OASL: variants seen among roughly 807,000 people sequenced by gnomAD.
The protein encoded by OASL is 2'-5'-oligoadenylate synthase-like protein.
A neutral mutation model predicts 35.3 loss-of-function variants in OASL; 28 were observed. The ratio of observed to expected loss-of-function variants is 0.79; its 90% CI spans 0.59 to 1.09. The LOEUF (loss-of-function observed/expected upper bound fraction) is 1.09. OASL is among the 50% of genes least tolerant of loss of function. OASL has a pLI of 0.00. For missense variants in OASL, 620 were observed against 635.2 expected (o/e 0.98, Z 0.26); for synonymous variants, 252 against 254.6 (o/e 0.99, Z 0.10).
chr12:121,036,283 A>G (rs1232971391), intron 1 of OASL, among the ~76,000 whole-genome samples: 1 of 152,208 alleles, frequency 6.6e-6, no homozygotes, highest in East Asian at 1.9e-4. Context: ...TCATTTGAAG[A>G]CGAGCATTCC....
intron 2 of OASL, among the ~76,000 whole-genome samples, chr12:121,032,656 C>T (rs1869782761): frequency 6.6e-6 from 1 of 152,176 alleles, no homozygotes; most frequent in Non-Finnish European, 1.5e-5. Flanking sequence ...CATCTCAGTT[C>T]CATACTTCCC....
intron 3 of OASL, among the ~76,000 whole-genome samples, chr12:121,030,490 C>T (rs1351138203): frequency 6.6e-6 from 1 of 152,230 alleles, no homozygotes; most frequent in African/African-American, 2.4e-5. Flanking sequence ...AGGCGTGAGC[C>T]ATCATGCCCA....
chr12:121,021,201 C>T, intron 5 of OASL, 143 bp from the exon 6 acceptor site: 1 of 772,638 alleles, frequency 1.3e-6, no homozygotes, highest in Non-Finnish European at 2.0e-6. Flanking sequence ...TAAGCACTTT[C>T]CAGGCTGTAT....
At chr12:121,033,408 A>C in intron 2 of OASL, 53 bp downstream of exon 2, 1 of 1,566,332 alleles carries the variant, frequency 6.4e-7, no homozygotes, top group Non-Finnish European at 8.7e-7. Context: ...GACACTGGGA[A>C]GTCTCCTGGG....
chr12:121,019,816 T>C (rs1431888137), exon 6 of OASL: 1 of 152,146 alleles, frequency 6.6e-6, no homozygotes, highest in Non-Finnish European at 1.5e-5. Context: ...TTGAGGCTGT[T>C]GGTATGGGGA....
At chr12:121,030,077 G>A (rs1448441046) in intron 3 of OASL, among the ~76,000 whole-genome samples, 1 of 152,030 alleles carries the variant, frequency 6.6e-6, no homozygotes, top group African/African-American at 2.4e-5. Context: ...GTTTCACTAT[G>A]TTGCTCAGGC....
chr12:121,025,071 C>G (rs117596115), intron 4 of OASL, among the ~76,000 whole-genome samples: 1,670 of 150,278 alleles, frequency 0.011, 29 homozygotes, highest in Non-Finnish European at 0.016. Context: ...TTCCACCTCC[C>G]GGGTTCAGCC....
chr12:121,024,404 G>A (rs979996911), intron 4 of OASL, among the ~76,000 whole-genome samples: 1 of 152,240 alleles, frequency 6.6e-6, no homozygotes, highest in Non-Finnish European at 1.5e-5. Flanking sequence ...ATCACTTGAG[G>A]TCAGGAGTTC....
chr12:121,024,355 G>A (rs1459749690), intron 4 of OASL, among the ~76,000 whole-genome samples: 2 of 152,194 alleles, frequency 1.3e-5, no homozygotes, highest in Non-Finnish European at 2.9e-5. Flanking sequence ...AGTGGCTCAC[G>A]CCTGTAATCC....
At chr12:121,032,141 C>T (rs762578516) in intron 2 of OASL, among the ~76,000 whole-genome samples, 12 of 152,026 alleles carry the variant, frequency 7.9e-5, no homozygotes, top group Non-Finnish European at 1.8e-4. Context: ...TGCAGTGAGC[C>T]GAGATCACGG....
exon 1 of OASL, chr12:121,039,117 C>G (rs1373142396): frequency 9.0e-6 from 6 of 664,532 alleles, no homozygotes; most frequent in East Asian, 5.5e-5. Context: ...GAGAGGAAAC[C>G]AGGTGTGACG....
chr12:121,037,791 A>T (rs1249129567), intron 1 of OASL, among the ~76,000 whole-genome samples: 1 of 144,150 alleles, frequency 6.9e-6, no homozygotes, highest in African/African-American at 2.6e-5. Context: ...AAACAAAAAC[A>T]AAAATCATTT....
intron 3 of OASL, among the ~76,000 whole-genome samples, chr12:121,028,619 C>T (rs112508908): frequency 6.1e-5 from 9 of 146,522 alleles, no homozygotes; most frequent in African/African-American, 1.8e-4. Context: ...TGAAACCCGC[C>T]CCCCCCGCCC....
chr12:121,033,762 C>T lies in OASL; in HGVS notation c.199-19G>A, dbSNP rs199990181. 2.3e-5 allele frequency: 37 copies of T among 1,606,566 alleles called. No individual in the cohort carries two copies. The highest frequency in any genetic ancestry group is 3.3e-5 in the South Asian group (3 of 90,826). On this transcript the variant is annotated intron_variant, in intron 1 of 5. Coordinates refer to ENST00000257570, the Ensembl canonical transcript of OASL. ...AGCCCACCTGCAGAACACAGAGCCC[C>T]GTCACCCTGAGGCCCACTGCCATGA...
intron 3 of OASL, among the ~76,000 whole-genome samples, chr12:121,028,619 C>G (rs112508908): frequency 6.8e-6 from 1 of 146,402 alleles, no homozygotes; most frequent in African/African-American, 2.5e-5. Context: ...TGAAACCCGC[C>G]CCCCCCGCCC....
At chr12:121,028,625 C>T (rs1352498542) in intron 3 of OASL, among the ~76,000 whole-genome samples, 9 of 134,550 alleles carry the variant, frequency 6.7e-5, no homozygotes, top group Admixed American at 5.9e-4. Context: ...CCGCCCCCCC[C>T]GCCCGCCCCC....
Position 121,020,386 on chromosome 12 carries a change from C to A in OASL, c.*175G>T, listed in dbSNP as rs183448537. ...CTCGGCTCAAGCGCTCCTCCCACCTCGGCCTCCCAAAGTTCTGGGATTACA... is the reference window on the plus strand; with the variant it reads ...CTCGGCTCAAGCGCTCCTCCCACCTAGGCCTCCCAAAGTTCTGGGATTACA... On this transcript the variant is annotated 3_prime_UTR_variant, in exon 6 of 6. Transcript: ENST00000257570. The A allele has an allele frequency of 1.8e-4, 116 of 649,466 alleles. No homozygotes were observed. In the Admixed American group the frequency reaches 3.4e-3, roughly 19 times the overall value. The allele number at this position is 649,466 out of a possible 1,614,324, so 40.2% of individuals were successfully genotyped here.
chr12:121,024,153 A>T lies in OASL; in HGVS notation c.900-16T>A. On this transcript the variant is annotated splice_polypyrimidine_tract_variant and intron_variant, in intron 4 of 5. Transcript: ENST00000257570. The stretch of plus-strand genomic sequence containing the variant: ...GATGATGGGCCTGTAACACAGGAAA[A>T]GGGTGCCCAGGCTCATAATGGTTTG... The T allele has an allele frequency of 6.2e-7, 1 of 1,612,032 alleles. No homozygotes were observed. The highest frequency in any genetic ancestry group is 8.5e-7 in the Non-Finnish European group (1 of 1,178,832).
chr12:121,029,556 C>T (rs1380156489), intron 3 of OASL, among the ~76,000 whole-genome samples: 1 of 152,000 alleles, frequency 6.6e-6, no homozygotes, highest in African/African-American at 2.4e-5. Context: ...TGCATGGTGG[C>T]GGGCACCTGT....
Sources: allele counts gnomAD v4.1 joint callset (sites outside exome capture counted in the v4.1 genomes callset), GRCh38; gene constraint gnomAD v4.1.1; transcripts MANE v1.5; gene names NCBI Gene and HGNC (gene_info 2026-07-23, HGNC 2026-07-21).